Variants in MCCC2 observed in about 807,000 individuals in gnomAD.
MCCC2 encodes the protein methylcrotonoyl-CoA carboxylase beta chain, mitochondrial.
Under a neutral mutation model 77.2 loss-of-function variants are expected in MCCC2, and 52 were observed. The observed-to-expected ratio is 0.67, with a 90% confidence interval of 0.54 to 0.85. MCCC2 has a LOEUF of 0.85. MCCC2 is among the 40% of genes least tolerant of loss of function. The pLI is 0.00. For missense variants in MCCC2, 682 were observed against 703.2 expected (o/e 0.97, Z 0.34); for synonymous variants, 253 against 248.4 (o/e 1.02, Z -0.18).
intron 10 of MCCC2, among the ~76,000 whole-genome samples, chr5:71,640,390 T>C (rs1347356175): frequency 6.6e-6 from 1 of 151,200 alleles, no homozygotes; most frequent in Non-Finnish European, 1.5e-5. Flanking sequence ...ACATTTTTTT[T>C]TTTTTTTTTT....
chr5:71,630,092 A>G (rs1009071921), intron 7 of MCCC2, among the ~76,000 whole-genome samples: 3 of 152,200 alleles, frequency 2.0e-5, no homozygotes, highest in Non-Finnish European at 2.9e-5. Context: ...GTTCTGTTGG[A>G]GAACTGGACC....
intron 7 of MCCC2, among the ~76,000 whole-genome samples, chr5:71,629,976 G>A (rs754343124): frequency 6.6e-6 from 1 of 152,132 alleles, no homozygotes; most frequent in East Asian, 1.9e-4. Flanking sequence ...GGAATAATGC[G>A]AAGGGTTTTA....
chr5:71,630,796 A>T (rs551651816), intron 7 of MCCC2, among the ~76,000 whole-genome samples: 28 of 152,214 alleles, frequency 1.8e-4, no homozygotes, highest in African/African-American at 6.3e-4. Context: ...GGCTCCCCTC[A>T]AGAAAGACTT....
intron 1 of MCCC2, among the ~76,000 whole-genome samples, chr5:71,589,926 C>A (rs1744909365): frequency 6.6e-6 from 1 of 152,162 alleles, no homozygotes; most frequent in Non-Finnish European, 1.5e-5. Context: ...TTAACTGTTG[C>A]TCTATAATGC....
intron 6 of MCCC2, among the ~76,000 whole-genome samples, chr5:71,616,145 G>A (rs1262053180): frequency 6.6e-6 from 1 of 152,214 alleles, no homozygotes; most frequent in Non-Finnish European, 1.5e-5. Context: ...CAGCCCTCAG[G>A]ACCTTTGCAG....
intron 10 of MCCC2, among the ~76,000 whole-genome samples, chr5:71,640,223 A>G (rs571294135): frequency 6.6e-6 from 1 of 152,118 alleles, no homozygotes; most frequent in Non-Finnish European, 1.5e-5. Context: ...CTACACTTTA[A>G]TGAGAGCCTG....
intron 6 of MCCC2, among the ~76,000 whole-genome samples, chr5:71,613,396 AC>A (rs1393445838): frequency 6.6e-6 from 1 of 152,242 alleles, no homozygotes; most frequent in Non-Finnish European, 1.5e-5. Context: ...AAGTGTACTT[AC>A]TTCTTGGAAT....
chr5:71,613,992 A>G (rs1746063176), intron 6 of MCCC2, among the ~76,000 whole-genome samples: 1 of 150,346 alleles, frequency 6.7e-6, no homozygotes, highest in Admixed American at 6.7e-5. Context: ...AGTTCATATT[A>G]TATATATATG....
In MCCC2 at chr5:71,632,128, C is replaced by T. The variant is rs141676987; in HGVS notation, c.746C>T (p.Ala249Val). The T allele has an allele frequency of 3.6e-5, 58 of 1,613,922 alleles. No individual in the cohort carries two copies. The highest frequency in any genetic ancestry group is 2.9e-4 in the African/African-American group (22 of 74,896). Residue 249 changes from alanine (A) to valine (V), a missense_variant, in exon 8 of 17, where the codon GCG becomes GTG. Ala to Val is a moderately conservative substitution (Grantham distance 64). Transcript: ENST00000340941. The stretch of plus-strand genomic sequence containing the variant: ...TTTTTATCCTTGTTGTAGGTTAAAG[C>T]GGCAACTGGGGAAGAAGTATCTGCT... Reference protein sequence around the residue: ...IFLAGPPLVKAATGEEVSAED... With the variant: ...IFLAGPPLVKVATGEEVSAED...
intron 1 of MCCC2, among the ~76,000 whole-genome samples, chr5:71,591,060 A>G (rs1324748562): frequency 1.3e-5 from 2 of 152,214 alleles, no homozygotes; most frequent in African/African-American, 2.4e-5. Flanking sequence ...GAGCAAGAGA[A>G]TGTAGCAGAA....
chr5:71,603,571 G>A (rs1034182073), intron 5 of MCCC2, among the ~76,000 whole-genome samples: 2 of 152,088 alleles, frequency 1.3e-5, no homozygotes, highest in East Asian at 1.9e-4. Flanking sequence ...GAATTTACCT[G>A]ATTAACTCAC....
intron 4 of MCCC2, among the ~76,000 whole-genome samples, chr5:71,601,381 G>C (rs1318347266): frequency 6.6e-6 from 1 of 152,172 alleles, no homozygotes; most frequent in Admixed American, 6.5e-5. Flanking sequence ...ACACACTCTG[G>C]AGTGTGAGGT....
At chr5:71,654,322 G>GT (rs993302328) in intron 16 of MCCC2, among the ~76,000 whole-genome samples, 1 of 152,026 alleles carries the variant, frequency 6.6e-6, no homozygotes, top group Admixed American at 6.6e-5. Flanking sequence ...ATTTTTAAAG[G>GT]TTTTTTGCTG....
intron 4 of MCCC2, among the ~76,000 whole-genome samples, chr5:71,601,708 C>G (rs73775938): frequency 4.3e-4 from 66 of 152,278 alleles, no homozygotes; most frequent in African/African-American, 1.5e-3. Context: ...TGAGGTAACA[C>G]AAACATCAGA....
At chr5:71,591,130 A>C (rs1466969200) in intron 1 of MCCC2, among the ~76,000 whole-genome samples, 1 of 152,222 alleles carries the variant, frequency 6.6e-6, no homozygotes, top group Non-Finnish European at 1.5e-5. Flanking sequence ...GATATACTGT[A>C]GACTGAATAT....
intron 2 of MCCC2, among the ~76,000 whole-genome samples, chr5:71,594,951 T>C (rs999108010): frequency 3.5e-5 from 5 of 144,334 alleles, no homozygotes; most frequent in Non-Finnish European, 7.6e-5. Context: ...CAGGCTGGGG[T>C]GTAGTGGCGC....
chr5:71,631,324 A>G (rs1429696030), intron 7 of MCCC2, among the ~76,000 whole-genome samples: 1 of 152,118 alleles, frequency 6.6e-6, no homozygotes, highest in Non-Finnish European at 1.5e-5. Flanking sequence ...GCAGTCCTCT[A>G]TTAATACCAT....
At chr5:71,597,682 G>A (rs1409133045) in intron 3 of MCCC2, among the ~76,000 whole-genome samples, 4 of 152,260 alleles carry the variant, frequency 2.6e-5, no homozygotes, top group South Asian at 2.1e-4. Flanking sequence ...CTCCTGACAC[G>A]TGCACACACA....
intron 13 of MCCC2, 112 bp from the exon 14 acceptor site, chr5:71,648,985 C>A (rs1462673628): frequency 2.5e-6 from 3 of 1,222,158 alleles, no homozygotes; most frequent in Admixed American, 3.4e-5. Context: ...TTTCTTAAGG[C>A]GAGAGGCATT....
Sources: allele counts gnomAD v4.1 joint callset (sites outside exome capture counted in the v4.1 genomes callset), GRCh38; gene constraint gnomAD v4.1.1; transcripts MANE v1.5; gene names NCBI Gene and HGNC (gene_info 2026-07-23, HGNC 2026-07-21).